SVIL: variants seen among roughly 807,000 people sequenced by gnomAD.
The protein encoded by SVIL is supervillin, also known as archvillin.
In SVIL, 101 loss-of-function variants were observed where a neutral mutation model predicts 240.4. That is an observed-to-expected ratio of 0.42 (90% CI 0.36 to 0.50). The LOEUF (loss-of-function observed/expected upper bound fraction) is 0.50. Ranked by LOEUF, SVIL falls within the 20% of genes least tolerant of loss-of-function variation. The probability of loss-of-function intolerance (pLI) is 0.01; values close to 1 mark genes in which losing one functional copy is unlikely to be tolerated. For synonymous variants in SVIL, 999 were observed against 1,100.0 expected, an observed-to-expected ratio of 0.91 and a Z score of 1.82; for missense variants, 2,512 against 2,818.7, an observed-to-expected ratio of 0.89 and a Z score of 2.46.
At chr10:29,724,350 CTTT>C (rs1964161696) in intron 1 of SVIL, among the ~76,000 whole-genome samples, 2 of 140,260 alleles carry the variant, frequency 1.4e-5, no homozygotes, top group Middle Eastern at 3.6e-3. Context: ...GCTTTTCATT[CTTT>C]TTTTATGAGG....
At chr10:29,536,911 C>CAAAAAA (rs59133069) in intron 6 of SVIL, among the ~76,000 whole-genome samples, 1,145 of 89,260 alleles carry the variant, frequency 0.013, 61 homozygotes, top group African/African-American at 0.04. Flanking sequence ...GACTCTGTCA[C>CAAAAAA]AAAAAAAAAA....
chr10:29,559,449 A>G (rs1007500728), intron 3 of SVIL, among the ~76,000 whole-genome samples: 1 of 152,208 alleles, frequency 6.6e-6, no homozygotes, highest in Non-Finnish European at 1.5e-5. Flanking sequence ...GTATTTCTTA[A>G]CAAAAAAGAA....
chr10:29,469,478 G>A (rs764748169), intron 32 of SVIL, among the ~76,000 whole-genome samples: 2 of 152,210 alleles, frequency 1.3e-5, no homozygotes, highest in Admixed American at 6.5e-5. Flanking sequence ...GGTCCTCACA[G>A]GTCTCAGTTG....
chr10:29,615,310 ACTT>A (rs1359702067), intron 1 of SVIL, among the ~76,000 whole-genome samples: 1 of 152,190 alleles, frequency 6.6e-6, no homozygotes, highest in Admixed American at 6.5e-5. Context: ...AAATGATCCT[ACTT>A]CTCCCAGCTG....
intron 2 of SVIL, among the ~76,000 whole-genome samples, chr10:29,666,894 A>G (rs1433842721): frequency 6.6e-6 from 1 of 152,128 alleles, no homozygotes; most frequent in East Asian, 1.9e-4. Flanking sequence ...GCTCCCATAG[A>G]GTCCATTAAA....
At chr10:29,628,771 C>T (rs1363313889) in intron 1 of SVIL, among the ~76,000 whole-genome samples, 2 of 152,192 alleles carry the variant, frequency 1.3e-5, no homozygotes, top group Non-Finnish European at 2.9e-5. Flanking sequence ...TTGAACAATT[C>T]ACCTTATAAA....
intron 2 of SVIL, among the ~76,000 whole-genome samples, chr10:29,680,036 A>G (rs1960514141): frequency 6.6e-6 from 1 of 151,998 alleles, no homozygotes; most frequent in South Asian, 2.1e-4. Context: ...AAAATTAAAA[A>G]TTACCCGGCA....
chr10:29,720,764 G>T (rs1010000197), intron 1 of SVIL, among the ~76,000 whole-genome samples: 12 of 152,202 alleles, frequency 7.9e-5, no homozygotes, highest in African/African-American at 2.7e-4. Flanking sequence ...GTATCCTATT[G>T]TAATGTTCTT....
At chr10:29,714,948 T>TAAAAAAAAAAAAAAA (rs61107910) in intron 1 of SVIL, among the ~76,000 whole-genome samples, 3 of 78,348 alleles carry the variant, frequency 3.8e-5, no homozygotes, top group African/African-American at 1.4e-4. Flanking sequence ...TGTCTGAAAT[T>TAAAAAAAAAAAAAAA]AAAAAAAAAA....
intron 17 of SVIL, among the ~76,000 whole-genome samples, chr10:29,500,318 T>C (rs142537880): frequency 0.025 from 3,873 of 152,152 alleles, 55 homozygotes; most frequent in Non-Finnish European, 0.032. Flanking sequence ...AGACCCCTGT[T>C]TATGGCGAGG....
At chr10:29,697,519 C>T (rs1397843464) in intron 1 of SVIL, among the ~76,000 whole-genome samples, 1 of 88,616 alleles carries the variant, frequency 1.1e-5, no homozygotes, top group East Asian at 3.1e-4. Context: ...GACCTTACCC[C>T]CAACCCTGTG....
chr10:29,671,054 G>A (rs1031257240), intron 2 of SVIL: 1 of 152,176 alleles, frequency 6.6e-6, no homozygotes, highest in Non-Finnish European at 1.5e-5. Context: ...ACCAGGCGCA[G>A]AGACCCCAGA....
chr10:29,687,681 A>C (rs1007659944), intron 1 of SVIL, among the ~76,000 whole-genome samples: 3 of 152,212 alleles, frequency 2.0e-5, no homozygotes, highest in Non-Finnish European at 2.9e-5. Flanking sequence ...CTCAATAAAC[A>C]AACAAACAAA....
At chr10:29,732,573 T>A (rs1489794296) in intron 1 of SVIL, among the ~76,000 whole-genome samples, 2 of 152,320 alleles carry the variant, frequency 1.3e-5, no homozygotes, top group East Asian at 1.9e-4. Context: ...CATCTAAAAG[T>A]TAGTTTAGCA....
At chr10:29,709,313 G>T (rs1038147936) in intron 1 of SVIL, among the ~76,000 whole-genome samples, 1 of 152,178 alleles carries the variant, frequency 6.6e-6, no homozygotes, top group African/African-American at 2.4e-5. Flanking sequence ...GTCGTGTCAT[G>T]TTGGCACTCA....
chr10:29,607,690 C>T (rs114310046), intron 1 of SVIL, among the ~76,000 whole-genome samples: 3,142 of 152,250 alleles, frequency 0.021, 106 homozygotes, highest in African/African-American at 0.068. Context: ...ACAATGCCAA[C>T]GTCTTGCTCT....
intron 2 of SVIL, among the ~76,000 whole-genome samples, chr10:29,680,306 G>C (rs1960536827): frequency 6.6e-6 from 1 of 152,198 alleles, no homozygotes; most frequent in South Asian, 2.1e-4. Flanking sequence ...ATATGACCCA[G>C]CTAGCTTCTT....
rs757553985 is a variant in SVIL, at chr10:29,524,609, C to T, written c.2449G>A (p.Glu817Lys). ...EPDSSTLSLA[E>K]KLALFNKLSQ... is the part of the protein sequence containing the mutation. ...AATTTGTTAAACAAGGCCAACTTTT[C>T]GGCCAAGCTTAGAGTGGAGGAATCA... Residue 817 changes from glutamate to lysine, a missense_variant, in exon 14 of 38, where the codon GAA becomes AAA. Transcript: ENST00000355867. 3.3e-5 allele frequency: 54 copies of T among 1,614,030 alleles called. No individual in the cohort carries two copies. The highest frequency in any genetic ancestry group is 3.2e-4 in the South Asian group (29 of 91,090).
At position 29,622,363 on chromosome 10, in the gene SVIL, G is replaced by A. The variant is rs1434299527; in HGVS notation, c.-201+12057C>T. Among the ~76,000 whole-genome samples the A allele has an allele frequency of 6.0e-5, 9 of 150,760 alleles. No individual in the cohort carries two copies. The East Asian group carries it at 1.6e-3, about 26-fold the overall frequency. On this transcript the variant is annotated intron_variant, in intron 1 of 37. Transcript: ENST00000355867. ...TAAGTGGCTTGTACAGGTGACAAGC[G>A]CACCATCTCTTCTTATGATCATCCC...
Sources: gnomAD v4.1 joint callset for allele counts (sites outside exome capture counted in the v4.1 genomes callset) on GRCh38, gnomAD v4.1.1 for gene constraint, MANE v1.5 for transcripts, NCBI Gene and HGNC (gene_info 2026-07-23, HGNC 2026-07-21) for gene names.